Variants in CDK11B observed in about 807,000 individuals in gnomAD.
CDK11B encodes the protein cyclin dependent kinase 11B, also known as cyclin-dependent kinase 11B.
CDK11B carries 37 observed loss-of-function variants against 84.0 expected under a neutral mutation model. That is an observed-to-expected ratio of 0.44 (90% CI 0.34 to 0.58). The LOEUF (loss-of-function observed/expected upper bound fraction) is 0.58, where lower values mean the gene tolerates loss of function less well. Ranked by LOEUF, CDK11B falls within the 20% of genes least tolerant of loss-of-function variation. The probability of loss-of-function intolerance (pLI) is 0.02; values close to 1 mark genes in which losing one functional copy is unlikely to be tolerated. For synonymous variants in CDK11B, 269 were observed against 309.8 expected (o/e 0.87, Z 1.38); for missense variants, 427 against 834.0 (o/e 0.51, Z 6.01).
At chr1:1,656,960 A>G (rs1557729510) in intron 2 of CDK11B, among the ~76,000 whole-genome samples, 1 of 152,260 alleles carries the variant, frequency 6.6e-6, no homozygotes, top group Non-Finnish European at 1.5e-5. Context: ...GCCTCTTACC[A>G]AATTACTAAA....
rs782129056 is a variant in CDK11B at position 1,653,825 on chromosome 1, TACACAC to T, written c.228-1265_228-1260del. On this transcript the variant is annotated intron_variant, in intron 3 of 19. Coordinates refer to ENST00000341832, the MANE Select transcript of CDK11B (RefSeq NM_033486.3). ...CAGTGAAATCCGTCTCTACTAAAAA[TACACAC>T]ACACACACACACACACACACACACA... Among the ~76,000 whole-genome samples, 56 of 121,876 alleles carry T rather than the reference TACACAC, an allele frequency of 4.6e-4. 1 individual carries two copies. In the South Asian group the frequency reaches 5.1e-3, roughly 11 times the overall value. 80.0% of individuals were successfully genotyped at this position (121,876 alleles called of 152,430 possible).
intron 3 of CDK11B, among the ~76,000 whole-genome samples, chr1:1,654,573 G>A (rs1030371742): frequency 1.3e-5 from 2 of 151,796 alleles, no homozygotes; most frequent in Non-Finnish European, 2.9e-5. Flanking sequence ...GTGAGCTGCC[G>A]CGTCCGGCCA....
chr1:1,650,369 TC>T (rs1641821097), intron 4 of CDK11B, among the ~76,000 whole-genome samples: 8 of 128,398 alleles, frequency 6.2e-5, no homozygotes, highest in African/African-American at 1.3e-4. Context: ...TTCTTTTTTT[TC>T]TTTTTTTTTT....
chr1:1,644,040 T>C (rs998437692), intron 6 of CDK11B, among the ~76,000 whole-genome samples: 1 of 152,138 alleles, frequency 6.6e-6, no homozygotes, highest in Non-Finnish European at 1.5e-5. Context: ...TATTAAACAG[T>C]TGAAAGCCTA....
chr1:1,650,093 AC>A (rs1287076560), intron 4 of CDK11B, among the ~76,000 whole-genome samples: 3 of 150,792 alleles, frequency 2.0e-5, no homozygotes, highest in South Asian at 2.1e-4. Context: ...ACACGGTGAA[AC>A]CCCATCTCTA....
chr1:1,637,430 G>A lies in CDK11B; in HGVS notation c.1548C>T (p.Thr516=), dbSNP rs774153370. 7.4e-5 allele frequency: 119 copies of A among 1,613,600 alleles called. No homozygotes were observed. The highest frequency in any genetic ancestry group is 9.2e-5 in the Non-Finnish European group (108 of 1,179,716). The change falls in exon 14 of 20, where the codon ACC becomes ACT. Residue 516 remains threonine (T), a synonymous_variant. Transcript: ENST00000341832. ...TACCTGGCAGGAAGGGCTGTTTCATGGTCTCCATCAGGCTCTTGAGGTCGT... is the reference window on the plus strand; with the variant it reads ...TACCTGGCAGGAAGGGCTGTTTCATAGTCTCCATCAGGCTCTTGAGGTCGT... ...VEHDLKSLME[T]MKQPFLPGEV...
chr1:1,650,617 G>A lies in CDK11B; in HGVS notation c.356-980C>T, dbSNP rs1324217281. ...TCTGACCTCGTGATCTGCCGGCCTC[G>A]GCCTCCCAAAGTGTGGGGATTACAG... On this transcript the variant is annotated intron_variant, in intron 4 of 19. Transcript: ENST00000341832. 5.4e-5 allele frequency among the ~76,000 whole-genome samples: 8 copies of A among 149,462 alleles called. No individual in the cohort carries two copies. In the South Asian group the frequency reaches 8.5e-4, roughly 16 times the overall value.
intron 4 of CDK11B, 67 bp downstream of exon 4, chr1:1,652,372 A>C (rs1320958457): frequency 7.6e-7 from 1 of 1,308,832 alleles, no homozygotes; most frequent in Non-Finnish European, 1.0e-6. Context: ...TGGGGAAGGC[A>C]GAAGAGTAGG....
intron 3 of CDK11B, among the ~76,000 whole-genome samples, chr1:1,654,617 G>A (rs958293045): frequency 6.6e-6 from 1 of 150,700 alleles, no homozygotes; most frequent in Non-Finnish European, 1.5e-5. Context: ...CCCTCCTCAG[G>A]TATCTTTCAG....
chr1:1,649,763 T>TACTC (rs1641647219), intron 4 of CDK11B, 126 bp from the exon 5 acceptor site: 1 of 827,232 alleles, frequency 1.2e-6, no homozygotes, highest in African/African-American at 1.8e-5. Flanking sequence ...TCACCTGAGG[T>TACTC]CAGGAGTTCA....
In CDK11B at chr1:1,643,582, G is replaced by A. The variant is rs145324128; in HGVS notation, c.632-1074C>T. Among the ~76,000 whole-genome samples the A allele has an allele frequency of 5.6e-3, 833 of 147,610 alleles. 16 individuals are homozygous for A. The highest frequency in any genetic ancestry group is 8.0e-3 in the Non-Finnish European group (543 of 67,868). On this transcript the variant is annotated intron_variant, in intron 6 of 19. Coordinates refer to ENST00000341832, the MANE Select transcript of CDK11B (RefSeq NM_033486.3). ...CTTAACCTTCAGTTCCTCAGAGAAC[G>A]AAAGGAAGATGTGGAGAAAGTCAAG...
intron 1 of CDK11B, 68 bp from the exon 2 acceptor site, chr1:1,657,566 T>C: frequency 8.9e-7 from 1 of 1,118,546 alleles, no homozygotes; most frequent in Non-Finnish European, 1.2e-6. Flanking sequence ...CACTTGAACC[T>C]AGTCACTTTT....
chr1:1,646,749 C>T (rs377505245), intron 5 of CDK11B: 26 of 519,904 alleles, frequency 5.0e-5, no homozygotes, highest in Non-Finnish European at 6.5e-5. Context: ...GAATGTCGTT[C>T]GTTCCCTTTC....
At position 1,635,821 on chromosome 1, in the gene CDK11B, A is replaced by T; in HGVS notation, c.2292T>A (p.Leu764=). 2.9e-6 allele frequency: 1 copy of T among 345,766 alleles called. No individual in the cohort carries two copies. Among genetic ancestry groups the T allele is most frequent in the South Asian group, 2.5e-5 (1 of 40,432 alleles). The allele number at this position is 345,766 out of a possible 1,614,324, so 21.4% of individuals were successfully genotyped here. Reference sequence around the variant, plus strand: ...CAGAGGCCCCCTGGTTCGTGGTGGTAAGGTGGAAGCCCGTCTCCTTCAGGT... The same window carrying T: ...CAGAGGCCCCCTGGTTCGTGGTGGTTAGGTGGAAGCCCGTCTCCTTCAGGT... ...DDDLKETGFH[L]TTTNQGASAA... is the part of the protein sequence containing the mutation. The change falls in exon 20 of 20, where the codon CTT becomes CTA. Residue 764 remains leucine, a synonymous_variant. Transcript: ENST00000341832.
At chr1:1,650,224 T>C (rs1236683673) in intron 4 of CDK11B, among the ~76,000 whole-genome samples, 7 of 124,558 alleles carry the variant, frequency 5.6e-5, no homozygotes, top group Admixed American at 8.8e-5. Context: ...GAGCTGAGAT[T>C]GCGCCACTGT....
In CDK11B at chr1:1,636,610, G is replaced by A. The variant is rs1485041806; in HGVS notation, c.1917+72C>T. 8.2e-5 allele frequency: 132 copies of A among 1,601,716 alleles called. No individual in the cohort carries two copies. The East Asian group carries it at 2.9e-3, about 35-fold the overall frequency. ...TGGTCCCCATCTCAACCCAGCACCT[G>A]TGCGCCCCGCAGCCCCATTCCTGCA... On this transcript the variant is annotated intron_variant, in intron 17 of 19. Coordinates refer to ENST00000341832, the MANE Select transcript of CDK11B (RefSeq NM_033486.3).
chr1:1,649,969 A>C lies in CDK11B; in HGVS notation c.356-332T>G, dbSNP rs1469643641. ...ACAGCCTGGGCAAAAAAAAAAAAAA[A>C]ACCCACGTGAAACTGAAATTAAGAC... On this transcript the variant is annotated intron_variant, in intron 4 of 19. Transcript: ENST00000341832. Among the ~76,000 whole-genome samples, 9 of 147,070 alleles carry C rather than the reference A, an allele frequency of 6.1e-5. No individual in the cohort carries two copies. The East Asian group carries it at 1.8e-3, about 30-fold the overall frequency.
At chr1:1,649,467 T>C (rs1641609268) in intron 5 of CDK11B, 32 bp downstream of exon 5, 1 of 1,480,994 alleles carries the variant, frequency 6.8e-7, no homozygotes, top group African/African-American at 1.4e-5. Context: ...ACAGCCCTTT[T>C]ATAAAGTCCT....
intron 4 of CDK11B, among the ~76,000 whole-genome samples, chr1:1,650,634 G>C (rs1200131543): frequency 2.0e-5 from 3 of 149,458 alleles, no homozygotes; most frequent in Middle Eastern, 3.4e-3. Flanking sequence ...CAAAGTGTGG[G>C]GATTACAGTT....
Sources: allele counts gnomAD v4.1 joint callset (sites outside exome capture counted in the v4.1 genomes callset), GRCh38; gene constraint gnomAD v4.1.1; transcripts MANE v1.5; gene names NCBI Gene and HGNC (gene_info 2026-07-23, HGNC 2026-07-21).